SGCZ: variants seen among roughly 807,000 people sequenced by gnomAD.
The protein encoded by SGCZ is zeta-sarcoglycan.
Under a neutral mutation model 41.3 loss-of-function variants are expected in SGCZ, and 40 were observed. The ratio of observed to expected loss-of-function variants is 0.97; its 90% CI spans 0.75 to 1.26. The LOEUF (loss-of-function observed/expected upper bound fraction) is 1.26. Ranked by LOEUF, SGCZ falls within the 50% of genes most tolerant of loss-of-function variation. The pLI, the probability that SGCZ is intolerant of heterozygous loss-of-function variation, is 0.00. For synonymous variants in SGCZ, 206 were observed against 137.5 expected (o/e 1.50, Z -3.49); for missense variants, 552 against 369.8 (o/e 1.49, Z -4.04).
At chr8:14,428,360 C>G (rs571547493) in intron 2 of SGCZ, among the ~76,000 whole-genome samples, 8 of 152,060 alleles carry the variant, frequency 5.3e-5, no homozygotes, top group African/African-American at 1.9e-4. Flanking sequence ...TCAACTCAGA[C>G]GGGATGCAAG....
At chr8:14,875,164 C>A (rs1259114079) in intron 1 of SGCZ, among the ~76,000 whole-genome samples, 12 of 152,148 alleles carry the variant, frequency 7.9e-5, no homozygotes, top group Non-Finnish European at 4.4e-5. Context: ...AAGGCCTCAT[C>A]TCCACTTCCA....
intron 1 of SGCZ, among the ~76,000 whole-genome samples, chr8:14,575,932 A>AAAG (rs1804696866): frequency 2.9e-5 from 4 of 136,498 alleles, no homozygotes; most frequent in East Asian, 2.1e-4. Context: ...AAAAAAAAAA[A>AAAG]AAAGAAAGAA....
intron 1 of SGCZ, among the ~76,000 whole-genome samples, chr8:15,087,316 G>C (rs1805985978): frequency 6.6e-6 from 1 of 152,096 alleles, no homozygotes; most frequent in African/African-American, 2.4e-5. Context: ...GATGATGTGT[G>C]ACTTTTCTAG....
intron 1 of SGCZ, among the ~76,000 whole-genome samples, chr8:15,198,401 C>A (rs1384055672): frequency 6.6e-6 from 1 of 151,898 alleles, no homozygotes; most frequent in Non-Finnish European, 1.5e-5. Context: ...TTCACAGGGC[C>A]TTTAGGGTAT....
chr8:14,363,753 G>A (rs1018158245), intron 2 of SGCZ, among the ~76,000 whole-genome samples: 2 of 152,158 alleles, frequency 1.3e-5, no homozygotes, highest in Non-Finnish European at 1.5e-5. Flanking sequence ...ACAAATGGCA[G>A]ACTGCTTCTC....
At chr8:14,836,023 G>A (rs1802689179) in intron 1 of SGCZ, among the ~76,000 whole-genome samples, 1 of 152,042 alleles carries the variant, frequency 6.6e-6, no homozygotes, top group Non-Finnish European at 1.5e-5. Flanking sequence ...AACCATTACT[G>A]CCTTCCTTGG....
At chr8:14,846,711 A>G (rs1260748103) in intron 1 of SGCZ, among the ~76,000 whole-genome samples, 3 of 74,484 alleles carry the variant, frequency 4.0e-5, no homozygotes, top group African/African-American at 8.9e-5. Flanking sequence ...TCCAAAAAAA[A>G]AAAAAAAAAA....
intron 1 of SGCZ, among the ~76,000 whole-genome samples, chr8:14,884,879 C>A (rs536350775): frequency 6.6e-6 from 1 of 152,056 alleles, no homozygotes; most frequent in Non-Finnish European, 1.5e-5. Context: ...TGATACTAAA[C>A]TCACTGGTTC....
chr8:14,222,792 ATTTTTTTTTTTTTTTTTTTTT>A (rs775444301), intron 4 of SGCZ, among the ~76,000 whole-genome samples: 2 of 48,852 alleles, frequency 4.1e-5, no homozygotes, highest in Non-Finnish European at 6.9e-5. Context: ...AGTCACAGTG[ATTTTTTTTTTTTTTTTTTTTT>A]TTTTTTTTTT....
chr8:14,757,905 C>T (rs59284518), intron 1 of SGCZ, among the ~76,000 whole-genome samples: 9,184 of 152,142 alleles, frequency 0.06, 626 homozygotes, highest in African/African-American at 0.16. Flanking sequence ...CTTATACTAA[C>T]GCCTTTAAAT....
At chr8:14,149,574 G>A (rs73213556) in intron 5 of SGCZ, among the ~76,000 whole-genome samples, 54,956 of 150,224 alleles carry the variant, frequency 0.37, 10,213 homozygotes, top group Middle Eastern at 0.49. Context: ...AAGAATCAAT[G>A]TTGTTAAAAA....
At chr8:14,616,338 A>G (rs1193839839) in intron 1 of SGCZ, among the ~76,000 whole-genome samples, 1 of 151,954 alleles carries the variant, frequency 6.6e-6, no homozygotes. Flanking sequence ...TGCACAGATG[A>G]TCACCATTAC....
chr8:14,218,774 C>G (rs1251288151), intron 4 of SGCZ, among the ~76,000 whole-genome samples: 1 of 152,186 alleles, frequency 6.6e-6, no homozygotes, highest in Admixed American at 6.5e-5. Context: ...CTCACAACAT[C>G]AACAACGCAT....
intron 3 of SGCZ, among the ~76,000 whole-genome samples, chr8:14,246,201 T>A (rs544598526): frequency 1.8e-4 from 27 of 152,288 alleles, no homozygotes; most frequent in Admixed American, 5.2e-4. Context: ...CCAAACCAAA[T>A]GTCCAACAAT....
intron 1 of SGCZ, among the ~76,000 whole-genome samples, chr8:14,702,932 GA>G (rs879735925): frequency 0.047 from 4,914 of 103,894 alleles, 94 homozygotes; most frequent in South Asian, 0.084. Flanking sequence ...TAGGTAGATA[GA>G]TAGATAGATA....
chr8:14,620,216 TG>T (rs1256379850), intron 1 of SGCZ, among the ~76,000 whole-genome samples: 3 of 152,128 alleles, frequency 2.0e-5, no homozygotes, highest in Non-Finnish European at 4.4e-5. Flanking sequence ...TAAATGGTGC[TG>T]GGAAAACTGG....
At chr8:14,364,783 C>T (rs953234017) in intron 2 of SGCZ, among the ~76,000 whole-genome samples, 1 of 152,060 alleles carries the variant, frequency 6.6e-6, no homozygotes, top group Non-Finnish European at 1.5e-5. Flanking sequence ...TGATATTATA[C>T]ATGTTTTTCC....
In SGCZ at chr8:14,965,128, G is replaced by A. The variant is rs145355344; in HGVS notation, c.39+272457C>T. Among the ~76,000 whole-genome samples the A allele has an allele frequency of 1.4e-4, 22 of 152,152 alleles. No homozygotes were observed. The East Asian group carries it at 3.9e-3, about 27-fold the overall frequency. On this transcript the variant is annotated intron_variant, in intron 1 of 7. Transcript: ENST00000382080. ...GCCTATCAGGACAATCCCGATACTC[G>A]AGAGGGGATCCACTGAGGACAAATC...
intron 2 of SGCZ, among the ~76,000 whole-genome samples, chr8:14,397,212 T>A (rs954474386): frequency 6.6e-6 from 1 of 152,178 alleles, no homozygotes; most frequent in Non-Finnish European, 1.5e-5. Flanking sequence ...TCTATTGAGA[T>A]ACATTAGAAA....
Sources: allele counts gnomAD v4.1 joint callset (sites outside exome capture counted in the v4.1 genomes callset), GRCh38; gene constraint gnomAD v4.1.1; transcripts MANE v1.5; gene names NCBI Gene and HGNC (gene_info 2026-07-23, HGNC 2026-07-21).